The following YEATS4 variants were observed in gnomAD, a reference collection of about 807,000 sequenced individuals.
YEATS4 encodes YEATS domain-containing protein 4.
A neutral mutation model predicts 30.1 loss-of-function variants in YEATS4; 17 were observed. That is an observed-to-expected ratio of 0.56 (90% CI 0.39 to 0.85). The LOEUF is 0.85. Ranked by LOEUF, YEATS4 falls within the 40% of genes least tolerant of loss-of-function variation. The probability of loss-of-function intolerance (pLI) is 0.00; values close to 1 mark genes in which losing one functional copy is unlikely to be tolerated. For synonymous variants in YEATS4, 85 were observed against 87.5 expected (o/e 0.97, Z 0.16); for missense variants, 142 against 268.3 (o/e 0.53, Z 3.29).
At chr12:69,377,720 T>TAA (rs1875923488) in intron 6 of YEATS4, among the ~76,000 whole-genome samples, 1 of 150,900 alleles carries the variant, frequency 6.6e-6, no homozygotes, top group Non-Finnish European at 1.5e-5. Context: ...ACTTGCTTTT[T>TAA]TAAAAAAAAA....
At chr12:69,361,239 TTATG>T (rs570596726) in intron 1 of YEATS4, 4,617 of 132,006 alleles carry the variant, frequency 0.035, 80 homozygotes, top group Middle Eastern at 0.057. Flanking sequence ...TTTAAAATAC[TTATG>T]TGTGTGTGTG....
At chr12:69,406,490 G>A in the YEATS4 span, among the ~76,000 whole-genome samples, 1 of 151,992 alleles carries the variant, frequency 6.6e-6, no homozygotes, top group Non-Finnish European at 1.5e-5. Context: ...ACTATGCCTG[G>A]ATAATTTTTA....
chr12:69,414,716 C>G, the YEATS4 span, among the ~76,000 whole-genome samples: 1 of 152,190 alleles, frequency 6.6e-6, no homozygotes, highest in Admixed American at 6.5e-5. Context: ...GCACTGACTT[C>G]TTAAGCACAG....
chr12:69,389,197 C>T (rs1263073195), intron 6 of YEATS4, among the ~76,000 whole-genome samples: 1 of 152,036 alleles, frequency 6.6e-6, no homozygotes, highest in Non-Finnish European at 1.5e-5. Flanking sequence ...TGCCTGTAAT[C>T]CCCGCACTTT....
chr12:69,382,807 T>C (rs1011104007), intron 6 of YEATS4, among the ~76,000 whole-genome samples: 2 of 152,092 alleles, frequency 1.3e-5, no homozygotes, highest in African/African-American at 2.4e-5. Context: ...GATTTGAAAA[T>C]AGGTACAGGA....
chr12:69,389,309 G>C (rs190103353), intron 6 of YEATS4, among the ~76,000 whole-genome samples: 3 of 151,726 alleles, frequency 2.0e-5, no homozygotes, highest in Admixed American at 2.0e-4. Flanking sequence ...AATTAGCCGG[G>C]CATGGCAGCA....
At chr12:69,384,308 T>TGTC (rs34681012) in intron 6 of YEATS4, among the ~76,000 whole-genome samples, 86 of 151,920 alleles carry the variant, frequency 5.7e-4, no homozygotes, top group African/African-American at 1.9e-3. Context: ...TTGACAAAAC[T>TGTC]ATCATTTATT....
chr12:69,362,013 G>GTTTTTTTTTTTTTTTTTTTTTTTT (rs533225716), intron 1 of YEATS4, among the ~76,000 whole-genome samples: 7 of 69,078 alleles, frequency 1.0e-4, no homozygotes, highest in African/African-American at 2.5e-4. Flanking sequence ...GTGTTTGGTT[G>GTTTTTTTTTTTTTTTTTTTTTTTT]TTTTTTTTTT....
At chr12:69,419,138 T>G in the YEATS4 span, among the ~76,000 whole-genome samples, 3 of 150,244 alleles carry the variant, frequency 2.0e-5, no homozygotes, top group Non-Finnish European at 4.4e-5. Context: ...GGCCTCACTT[T>G]CCTGTTCTCA....
At chr12:69,371,296 T>C (rs942642776) in intron 6 of YEATS4, among the ~76,000 whole-genome samples, 1 of 152,232 alleles carries the variant, frequency 6.6e-6, no homozygotes, top group African/African-American at 2.4e-5. Flanking sequence ...TAGTCTTTGC[T>C]AACAAAATCT....
intron 4 of YEATS4, among the ~76,000 whole-genome samples, chr12:69,367,160 A>C (rs186991504): frequency 6.6e-6 from 1 of 152,314 alleles, no homozygotes; most frequent in Admixed American, 6.5e-5. Context: ...AGGTTGGGGT[A>C]GTTTTAGTTT....
the YEATS4 span, among the ~76,000 whole-genome samples, chr12:69,413,819 T>C: frequency 6.8e-6 from 1 of 146,928 alleles, no homozygotes; most frequent in Admixed American, 6.9e-5. Context: ...ACCACTGCAC[T>C]CAAGCCTGGA....
downstream of YEATS4, among the ~76,000 whole-genome samples, chr12:69,394,494 A>G (rs1868336843): frequency 6.6e-6 from 1 of 152,218 alleles, no homozygotes. Flanking sequence ...ATATTTAAAT[A>G]GCAAATATTT....
chr12:69,365,247 C>T (rs1229466370), intron 2 of YEATS4, among the ~76,000 whole-genome samples: 2 of 151,540 alleles, frequency 1.3e-5, no homozygotes, highest in South Asian at 2.1e-4. Context: ...GTCAAGAGTT[C>T]GAGACCAGCC....
At chr12:69,413,904 T>C in the YEATS4 span, among the ~76,000 whole-genome samples, 11 of 151,248 alleles carry the variant, frequency 7.3e-5, no homozygotes, top group Non-Finnish European at 1.2e-4. Flanking sequence ...GAGGTAGCTA[T>C]GCAAACAGCT....
chr12:69,375,391 C>T (rs929665157), intron 6 of YEATS4, among the ~76,000 whole-genome samples: 4 of 150,428 alleles, frequency 2.7e-5, no homozygotes, highest in African/African-American at 4.9e-5. Context: ...GGATGACGGC[C>T]GGGAAGAGGC....
rs191915040 is a variant in YEATS4 at position 69,367,314 on chromosome 12, A to G, written c.333+1430A>G. Reference sequence around the variant, plus strand: ...ATGTGATGAAGTTTTTAGATCTCCTACCATCTGTGTTGCCCTTCAGGAAAA... The same window carrying G: ...ATGTGATGAAGTTTTTAGATCTCCTGCCATCTGTGTTGCCCTTCAGGAAAA... On this transcript the variant is annotated intron_variant, in intron 4 of 6. Transcript: ENST00000247843. Among the ~76,000 whole-genome samples the G allele has an allele frequency of 3.9e-5, 6 of 152,224 alleles. No homozygotes were observed. In the East Asian group the frequency reaches 1.2e-3, roughly 29 times the overall value.
the YEATS4 span, among the ~76,000 whole-genome samples, chr12:69,398,814 C>CAA: frequency 2.8e-4 from 28 of 98,454 alleles, no homozygotes; most frequent in Non-Finnish European, 3.9e-4. Flanking sequence ...GACCCTGTCT[C>CAA]AAAAAAAAAA....
In YEATS4 at chr12:69,385,043, G is replaced by A. The variant is rs140181663; in HGVS notation, c.515-5104G>A. Among the ~76,000 whole-genome samples, 1,112 of 151,974 alleles carry A rather than the reference G, an allele frequency of 7.3e-3. 14 individuals are homozygous for A. Among genetic ancestry groups the A allele is most frequent in the African/African-American group, 0.025 (1,037 of 41,424 alleles). ...TTTTTTCCCCTAGAGACAGGTTCTC[G>A]CTCTGTCACTCAGGCTGGGTTGCAG... On this transcript the variant is annotated intron_variant, in intron 6 of 6. Coordinates refer to ENST00000247843, the MANE Select transcript of YEATS4 (RefSeq NM_006530.4).
Sources: allele counts gnomAD v4.1 joint callset (sites outside exome capture counted in the v4.1 genomes callset), GRCh38; gene constraint gnomAD v4.1.1; transcripts MANE v1.5; gene names NCBI Gene and HGNC (gene_info 2026-07-23, HGNC 2026-07-21).